The following MAP7 variants were observed in gnomAD, a reference collection of about 807,000 sequenced individuals.
The protein encoded by MAP7 is ensconsin.
In MAP7, 52 loss-of-function variants were observed where a neutral mutation model predicts 94.8. The observed-to-expected ratio is 0.55, with a 90% CI of 0.44 to 0.69. The LOEUF (loss-of-function observed/expected upper bound fraction) is 0.69, where lower values mean the gene tolerates loss of function less well. Ranked by LOEUF, MAP7 falls within the 30% of genes least tolerant of loss-of-function variation. MAP7 has a pLI of 0.00. For missense variants in MAP7, 940 were observed against 964.6 expected, an observed-to-expected ratio of 0.97 and a Z score of 0.34; for synonymous variants, 350 against 357.0, an observed-to-expected ratio of 0.98 and a Z score of 0.22.
At position 136,365,986 on chromosome 6, in the gene MAP7, C is replaced by T. The variant is rs111623909; in HGVS notation, c.1022G>A (p.Gly341Asp). The change falls in exon 10 of 18, where the codon GGC (glycine) becomes GAC (aspartate). Residue 341 changes from glycine (G) to aspartate (D), a missense_variant. Coordinates refer to ENST00000354570, the MANE Select transcript of MAP7 (RefSeq NM_003980.6). ...CAAGGAGGATGTCGGTCTGGGTGTG[C>T]CAGGCAAATGAGGAAGAGACTTGGA... ...LPSKSLPHLP[G>D]TPRPTSSLPP... The T allele has an allele frequency of 3.2e-5, 52 of 1,612,298 alleles. No individual in the cohort carries two copies. Among genetic ancestry groups the T allele is most frequent in the Admixed American group, 5.0e-5 (3 of 60,006 alleles).
chr6:136,409,148 T>G (rs1309752887), intron 3 of MAP7, among the ~76,000 whole-genome samples: 2 of 152,128 alleles, frequency 1.3e-5, no homozygotes, highest in African/African-American at 4.8e-5. Context: ...TTCCTTAAAA[T>G]TATGACTCTG....
At chr6:136,471,408 G>C (rs1395659729) in intron 1 of MAP7, among the ~76,000 whole-genome samples, 2 of 152,100 alleles carry the variant, frequency 1.3e-5, no homozygotes, top group African/African-American at 4.8e-5. Context: ...CTTTGGGAGG[G>C]TTTTTGTTTG....
At chr6:136,498,147 A>G (rs1029168654) in intron 1 of MAP7, among the ~76,000 whole-genome samples, 3 of 152,142 alleles carry the variant, frequency 2.0e-5, no homozygotes, top group Admixed American at 6.5e-5. Flanking sequence ...ATTAGGACAT[A>G]CACATATACT....
intron 1 of MAP7, among the ~76,000 whole-genome samples, chr6:136,437,105 T>G (rs1042266013): frequency 6.6e-6 from 1 of 152,258 alleles, no homozygotes; most frequent in African/African-American, 2.4e-5. Context: ...AGGAGCAGTT[T>G]CAGCTTTCTG....
rs1335902401 is a variant in MAP7 at position 136,375,816 on chromosome 6, T to A, written c.751+1939A>T. ...CAACTTGTGAAAAGGAGAATGGAAA[T>A]GTGTCAAAATAAAGAGCCGGTTTGC... is the stretch of plus-strand genomic sequence containing the variant. On this transcript the variant is annotated intron_variant, in intron 7 of 17. Transcript: ENST00000354570. Among the ~76,000 whole-genome samples, 4 of 152,038 alleles carry A rather than the reference T, an allele frequency of 2.6e-5. No individual in the cohort carries two copies. In the East Asian group the frequency reaches 7.7e-4, roughly 29 times the overall value.
chr6:136,372,678 C>A, intron 7 of MAP7, 53 bp from the exon 8 acceptor site: 1 of 1,611,522 alleles, frequency 6.2e-7, no homozygotes, highest in Non-Finnish European at 8.5e-7. Context: ...GTTTTACACA[C>A]AAGAGTGCCA....
At chr6:136,347,494 C>T (rs1264468395) in intron 16 of MAP7, among the ~76,000 whole-genome samples, 1 of 152,156 alleles carries the variant, frequency 6.6e-6, no homozygotes, top group Non-Finnish European at 1.5e-5. Context: ...CAACTTCTGC[C>T]TCCTGGGTTA....
intron 1 of MAP7, among the ~76,000 whole-genome samples, chr6:136,549,355 T>C (rs1829962751): frequency 1.3e-5 from 2 of 151,958 alleles, no homozygotes; most frequent in Non-Finnish European, 2.9e-5. Flanking sequence ...TGTAGGAAGA[T>C]ATAGAAACAG....
intron 16 of MAP7, among the ~76,000 whole-genome samples, chr6:136,356,194 T>A (rs1417308234): frequency 6.6e-6 from 1 of 152,164 alleles, no homozygotes; most frequent in East Asian, 1.9e-4. Flanking sequence ...TGAGACAGGG[T>A]CTCACTCTGT....
intron 15 of MAP7, 145 bp from the exon 16 acceptor site, chr6:136,356,939 G>A: frequency 1.6e-6 from 1 of 622,118 alleles, no homozygotes; most frequent in Non-Finnish European, 2.9e-6. Context: ...TAAACTCTCT[G>A]TGCCTTAGTT....
chr6:136,452,574 A>G (rs181446462), intron 1 of MAP7, among the ~76,000 whole-genome samples: 160 of 151,322 alleles, frequency 1.1e-3, no homozygotes, highest in African/African-American at 3.8e-3. Context: ...TTTTTTTGAG[A>G]CAGAGTCTTG....
intron 17 of MAP7, among the ~76,000 whole-genome samples, chr6:136,344,976 G>A (rs943648679): frequency 1.3e-5 from 2 of 152,206 alleles, no homozygotes; most frequent in African/African-American, 2.4e-5. Flanking sequence ...AATTTGGCCA[G>A]TTCTTTTTGT....
chr6:136,533,908 G>A (rs1460958235), intron 1 of MAP7, among the ~76,000 whole-genome samples: 4 of 151,702 alleles, frequency 2.6e-5, no homozygotes, highest in Non-Finnish European at 5.9e-5. Flanking sequence ...TATCTAAACC[G>A]TATCACCATC....
intron 1 of MAP7, among the ~76,000 whole-genome samples, chr6:136,442,569 A>G (rs975436541): frequency 2.0e-5 from 3 of 152,144 alleles, no homozygotes; most frequent in Admixed American, 1.3e-4. Flanking sequence ...CTGAGCTGCA[A>G]TCCTGAGGCA....
chr6:136,353,486 T>G (rs1352134203), intron 16 of MAP7, among the ~76,000 whole-genome samples: 1 of 152,212 alleles, frequency 6.6e-6, no homozygotes, highest in Non-Finnish European at 1.5e-5. Context: ...CAGTACCATA[T>G]GTATATTACC....
chr6:136,411,759 A>G (rs1562369999), intron 2 of MAP7, 62 bp from the exon 3 acceptor site: 2 of 1,274,944 alleles, frequency 1.6e-6, no homozygotes, highest in Non-Finnish European at 1.1e-6. Context: ...AAGAAAAAGA[A>G]AAAACACACA....
Position 136,422,095 on chromosome 6 carries a change from G to A in MAP7, c.68-296C>T, listed in dbSNP as rs183847519. Among the ~76,000 whole-genome samples, 565 of 152,314 alleles carry A rather than the reference G, an allele frequency of 3.7e-3. 7 individuals are homozygous for A. The highest frequency in any genetic ancestry group is 0.013 in the African/African-American group (536 of 41,578). ...ACATAAAGCAACCACGTGGAAGCAC[G>A]ACTGGAGTCTAAAGTCTTGGATCTG... On this transcript the variant is annotated intron_variant, in intron 1 of 17. Coordinates refer to ENST00000354570, the MANE Select transcript of MAP7 (RefSeq NM_003980.6).
intron 1 of MAP7, among the ~76,000 whole-genome samples, chr6:136,505,271 G>GTA (rs1175915341): frequency 0.01 from 980 of 94,984 alleles, 7 homozygotes; most frequent in East Asian, 0.015. Context: ...GTGTGTGTGT[G>GTA]TGTGTGTATA....
chr6:136,538,798 CAAAAA>C (rs397836178), intron 1 of MAP7, among the ~76,000 whole-genome samples: 1 of 65,896 alleles, frequency 1.5e-5, no homozygotes, highest in Non-Finnish European at 2.9e-5. Context: ...GATTTTGTCT[CAAAAA>C]AAAAAAAAAA....
Sources: allele counts gnomAD v4.1 joint callset (sites outside exome capture counted in the v4.1 genomes callset), GRCh38; gene constraint gnomAD v4.1.1; transcripts MANE v1.5; gene names NCBI Gene and HGNC (gene_info 2026-07-23, HGNC 2026-07-21).